PPID: variants seen among roughly 807,000 people sequenced by gnomAD.
The protein encoded by PPID is peptidylprolyl isomerase D.
A neutral mutation model predicts 48.1 loss-of-function variants in PPID; 47 were observed. The observed-to-expected ratio is 0.98, with a 90% CI of 0.77 to 1.25. PPID has a LOEUF of 1.25. Ranked by LOEUF, PPID falls within the 50% of genes most tolerant of loss-of-function variation. PPID has a pLI of 0.00. For synonymous variants in PPID, 163 were observed against 148.8 expected, an observed-to-expected ratio of 1.10 and a Z score of -0.69; for missense variants, 429 against 443.5, an observed-to-expected ratio of 0.97 and a Z score of 0.29.
intron 9 of PPID, chr4:158,710,078 T>A (rs1331971739): frequency 4.2e-6 from 2 of 473,296 alleles, no homozygotes; most frequent in Admixed American, 7.8e-5. Flanking sequence ...ATTGCTTCCC[T>A]TGTTTCATTT....
At chr4:158,718,108 T>G (rs922244199) in intron 3 of PPID, among the ~76,000 whole-genome samples, 4 of 152,252 alleles carry the variant, frequency 2.6e-5, no homozygotes, top group African/African-American at 7.2e-5. Flanking sequence ...TTTCTCTATG[T>G]CAATGTGATC....
chr4:158,711,323 T>C (rs1774787647), intron 7 of PPID, among the ~76,000 whole-genome samples: 1 of 151,936 alleles, frequency 6.6e-6, no homozygotes, highest in African/African-American at 2.4e-5. Context: ...CCCCCCAGGC[T>C]CAAGTGCTCC....
chr4:158,710,349 A>G (rs1774767855), intron 9 of PPID: 1 of 517,008 alleles, frequency 1.9e-6, no homozygotes, highest in African/African-American at 1.9e-5. Flanking sequence ...CATAAGACAA[A>G]CAGTATTTAG....
chr4:158,710,604 T>C lies in PPID; in HGVS notation c.1024+24A>G, dbSNP rs771590007. On this transcript the variant is annotated intron_variant, in intron 9 of 9. Coordinates refer to ENST00000307720, the MANE Select transcript of PPID (RefSeq NM_005038.3). The stretch of plus-strand genomic sequence containing the variant: ...AGTATTTAAATAACAAAATTAACTT[T>C]CACTACAAAAGCTGCCAACTTACCT... The C allele has an allele frequency of 8.7e-6, 14 of 1,608,286 alleles. No homozygotes were observed. The East Asian group carries it at 3.1e-4, about 36-fold the overall frequency.
At chr4:158,715,722 G>C (rs768495011) in intron 4 of PPID, 38 bp from the exon 5 acceptor site, 1 of 1,581,470 alleles carries the variant, frequency 6.3e-7, no homozygotes, top group Admixed American at 1.7e-5. Context: ...GTGCACTATC[G>C]TAATAATGAG....
chr4:158,721,038 G>A (rs1339959182), intron 2 of PPID, among the ~76,000 whole-genome samples: 1 of 152,124 alleles, frequency 6.6e-6, no homozygotes, highest in African/African-American at 2.4e-5. Context: ...TTGTCACCAG[G>A]CAATGAAGCT....
In PPID at chr4:158,716,874, T is replaced by C. The variant is rs1160764323; in HGVS notation, c.522+138A>G. On this transcript the variant is annotated intron_variant, in intron 4 of 9. Transcript: ENST00000307720. ...TACTCAGAAGGCTGAGGCAGGAGAA[T>C]AGCTTGAACCTGGGAGACAGAGGCT... is the stretch of plus-strand genomic sequence containing the variant. 4 of 820,152 alleles carry C rather than the reference T, an allele frequency of 4.9e-6. No homozygotes were observed. The African/African-American group carries it at 7.0e-5, about 14-fold the overall frequency. The allele number at this position is 820,152 out of a possible 1,614,324, so 50.8% of individuals were successfully genotyped here. A position where few individuals can be genotyped will look rare whatever the true frequency, so the allele number is the denominator to read the frequency against.
At chr4:158,719,311 A>G in intron 2 of PPID, 25 bp from the exon 3 acceptor site, 1 of 1,443,984 alleles carries the variant, frequency 6.9e-7, no homozygotes, top group Non-Finnish European at 9.7e-7. Context: ...AATGGCTATT[A>G]GTGACTGAGA....
At chr4:158,722,342 T>C (rs1412313201) in intron 1 of PPID, among the ~76,000 whole-genome samples, 2 of 152,246 alleles carry the variant, frequency 1.3e-5, no homozygotes, top group Non-Finnish European at 2.9e-5. Context: ...TGCCACGTGT[T>C]ACGTATACCT....
rs538421682 is a variant in PPID at position 158,709,762 on chromosome 4, C to G, written c.1087G>C (p.Ala363Pro). Residue 363 changes from alanine to proline, a missense_variant, in exon 10 of 10, where the codon GCA becomes CCA. Transcript: ENST00000307720. ...TAAGCAAACATTTTTGCATATACTG[C>G]CTTCTCTTTATCTTTCTGTGCCTTT... ...KIKAQKDKEK[A>P]VYAKMFA is the part of the protein sequence containing the mutation. 4 of 1,610,610 alleles carry G rather than the reference C, an allele frequency of 2.5e-6. No individual in the cohort carries two copies. Among genetic ancestry groups the G allele is most frequent in the African/African-American group, 2.7e-5 (2 of 74,988 alleles).
intron 1 of PPID, 108 bp from the exon 2 acceptor site, chr4:158,721,591 C>T (rs1774961201): frequency 7.7e-7 from 1 of 1,294,016 alleles, no homozygotes; most frequent in Non-Finnish European, 1.1e-6. Context: ...TTACCAAGTT[C>T]CCCTTTACTG....
chr4:158,720,033 T>C (rs1774932004), intron 2 of PPID, among the ~76,000 whole-genome samples: 1 of 152,198 alleles, frequency 6.6e-6, no homozygotes, highest in Admixed American at 6.5e-5. Flanking sequence ...ATGTACACAG[T>C]ATTTCTGCCC....
At chr4:158,717,505 T>C (rs1179544335) in intron 3 of PPID, among the ~76,000 whole-genome samples, 2 of 152,128 alleles carry the variant, frequency 1.3e-5, no homozygotes, top group African/African-American at 4.8e-5. Context: ...AAATTGGCCA[T>C]GAGAAAATAC....
chr4:158,709,318 G>A lies in PPID; in HGVS notation c.*418C>T, dbSNP rs530374353. On this transcript the variant is annotated 3_prime_UTR_variant, in exon 10 of 10. Coordinates refer to ENST00000307720, the MANE Select transcript of PPID (RefSeq NM_005038.3). The stretch of plus-strand genomic sequence containing the variant: ...CAAGGCGGGGTGGATCACAAGGTCA[G>A]GAGTTCAAGACCAACGTGACGTGAC... The A allele has an allele frequency of 5.0e-4, 77 of 155,104 alleles. No individual in the cohort carries two copies. Among genetic ancestry groups the A allele is most frequent in the Non-Finnish European group, 9.5e-4 (67 of 70,166 alleles). The allele number at this position is 155,104 out of a possible 1,614,324, so 9.6% of individuals were successfully genotyped here. A position where few individuals can be genotyped will look rare whatever the true frequency, so the allele number is the denominator to read the frequency against.
At chr4:158,721,559 A>G (rs551828146) in intron 1 of PPID, 76 bp from the exon 2 acceptor site, 2 of 1,493,200 alleles carry the variant, frequency 1.3e-6, no homozygotes, top group African/African-American at 1.4e-5. Flanking sequence ...TGGTATAATT[A>G]TGGTAGCAGA....
At chr4:158,715,797 G>T in intron 4 of PPID, 113 bp from the exon 5 acceptor site, 1 of 1,176,006 alleles carries the variant, frequency 8.5e-7, no homozygotes, top group Non-Finnish European at 1.2e-6. Flanking sequence ...ATGTGAGAAG[G>T]CTCATTTATG....
chr4:158,715,304 C>T lies in PPID; in HGVS notation c.745G>A (p.Val249Ile). The change falls in exon 6 of 10, where the codon GTT (valine) becomes ATT (isoleucine). Residue 249 changes from valine to isoleucine, a missense_variant. Transcript: ENST00000307720. ...WEMAIKKYAE[V>I]LRYVDSSKAV... The stretch of plus-strand genomic sequence containing the variant: ...TGTTAGAAATAATATTACCTTAAAA[C>T]TTCTGCATATTTTTTAATAGCCATC... 2.0e-6 allele frequency: 3 copies of T among 1,491,122 alleles called. No individual in the cohort carries two copies. Among genetic ancestry groups the T allele is most frequent in the Non-Finnish European group, 2.7e-6 (3 of 1,116,842 alleles). 92.4% of individuals were successfully genotyped at this position (1,491,122 alleles called of 1,614,324 possible).
In PPID at chr4:158,719,227, C is replaced by T. The variant is rs1561257024; in HGVS notation, c.286G>A (p.Glu96Lys). 6.2e-6 allele frequency: 10 copies of T among 1,611,404 alleles called. 1 individual carries two copies. Among genetic ancestry groups the T allele is most frequent in the South Asian group, 3.3e-5 (3 of 90,960 alleles). The change falls in exon 3 of 10, where the codon GAA becomes AAA. Residue 96 changes from glutamate to lysine, a missense_variant. Transcript: ENST00000307720. ...TCAAATTTTTCACCATAAATACTTT[C>T]TCCACCTGTCCCATTCTGATTTGAG... ...DFSNQNGTGGESIYGEKFEDE... is the reference protein window; with the variant it reads ...DFSNQNGTGGKSIYGEKFEDE...
At chr4:158,719,601 T>C (rs913450263) in intron 2 of PPID, among the ~76,000 whole-genome samples, 6 of 152,226 alleles carry the variant, frequency 3.9e-5, no homozygotes, top group Middle Eastern at 3.2e-3. Context: ...TGACTCTGCC[T>C]ACATAACATA....
Sources: gnomAD v4.1 joint callset for allele counts (sites outside exome capture counted in the v4.1 genomes callset) on GRCh38, gnomAD v4.1.1 for gene constraint, MANE v1.5 for transcripts, NCBI Gene and HGNC (gene_info 2026-07-23, HGNC 2026-07-21) for gene names.